OXCT1: variants seen among roughly 807,000 people sequenced by gnomAD.
OXCT1 encodes the protein succinyl-CoA:3-ketoacid coenzyme A transferase 1, mitochondrial.
A neutral mutation model predicts 69.6 loss-of-function variants in OXCT1; 27 were observed. That is an observed-to-expected ratio of 0.39 (90% CI 0.29 to 0.54). OXCT1 has a LOEUF of 0.54. OXCT1 is among the 20% of genes least tolerant of loss of function. OXCT1 has a pLI of 0.72. For missense variants in OXCT1, 437 were observed against 650.2 expected (o/e 0.67, Z 3.57); for synonymous variants, 202 against 217.8 (o/e 0.93, Z 0.64).
rs1401286084 is a variant in OXCT1, at chr5:41,762,648, G to T, written c.1249-448C>A. ...CTGCAGATTAAAATTCCATTATGTAGTAGTAGGCTGAGGCATGAATGGTGT... is the reference window on the plus strand; with the variant it reads ...CTGCAGATTAAAATTCCATTATGTATTAGTAGGCTGAGGCATGAATGGTGT... On this transcript the variant is annotated intron_variant, in intron 13 of 16. Transcript: ENST00000196371. The surrounding 1 kb of genome is among the most constrained non-coding windows in gnomAD (Gnocchi z 4.0). Among the ~76,000 whole-genome samples, 4 of 152,230 alleles carry T rather than the reference G, an allele frequency of 2.6e-5. No individual in the cohort carries two copies. Among genetic ancestry groups the T allele is most frequent in the Non-Finnish European group, 4.4e-5 (3 of 68,016 alleles).
chr5:41,856,754 T>C (rs1749446751), intron 3 of OXCT1, among the ~76,000 whole-genome samples: 1 of 152,174 alleles, frequency 6.6e-6, no homozygotes, highest in Admixed American at 6.5e-5. Context: ...AAAAGAAAAC[T>C]AATGCCTAAG....
At chr5:41,755,970 G>A (rs1224652891) in intron 14 of OXCT1, among the ~76,000 whole-genome samples, 1 of 152,048 alleles carries the variant, frequency 6.6e-6, no homozygotes, top group Non-Finnish European at 1.5e-5. Context: ...CAGTTTATAT[G>A]ACAAAGGCAG....
intron 5 of OXCT1, chr5:41,843,587 T>C: frequency 2.2e-6 from 1 of 456,166 alleles, no homozygotes; most frequent in Non-Finnish European, 4.4e-6. Flanking sequence ...TCATGTTCTT[T>C]TATTCTTGAC....
chr5:41,830,929 G>C, intron 7 of OXCT1, among the ~76,000 whole-genome samples: 1 of 152,134 alleles, frequency 6.6e-6, no homozygotes, highest in Non-Finnish European at 1.5e-5. Flanking sequence ...TAATTGGCCT[G>C]CTTAATAATG....
chr5:41,802,134 G>A lies in OXCT1; in HGVS notation c.1050+935C>T, dbSNP rs1012585611. Reference sequence around the variant, plus strand: ...TCTCTAAGGCACCTTAAAAATGCAAGTCTTTAACTTCCACATGAATCTGCT... The same window carrying A: ...TCTCTAAGGCACCTTAAAAATGCAAATCTTTAACTTCCACATGAATCTGCT... On this transcript the variant is annotated intron_variant, in intron 10 of 16. Transcript: ENST00000196371. 3.9e-5 allele frequency among the ~76,000 whole-genome samples: 6 copies of A among 152,140 alleles called. No homozygotes were observed. In the South Asian group the frequency reaches 6.2e-4, roughly 16 times the overall value.
At position 41,744,760 on chromosome 5, in the gene OXCT1, A is replaced by G. The variant is rs540665065; in HGVS notation, c.1419+4767T>C. Among the ~76,000 whole-genome samples the G allele has an allele frequency of 1.4e-3, 207 of 152,292 alleles. 1 individual carries two copies. The highest frequency in any genetic ancestry group is 2.3e-3 in the South Asian group (11 of 4,820). The stretch of plus-strand genomic sequence containing the variant: ...GTCATTGGTTCTGACAAAAAAAGGC[A>G]GGGGTTGCAATCCTAGTCTCTGATA... On this transcript the variant is annotated intron_variant, in intron 15 of 16. Coordinates refer to ENST00000196371, the MANE Select transcript of OXCT1 (RefSeq NM_000436.4).
At chr5:41,777,933 C>T (rs1745206080) in intron 13 of OXCT1, among the ~76,000 whole-genome samples, 2 of 152,146 alleles carry the variant, frequency 1.3e-5, no homozygotes, top group South Asian at 4.1e-4. Flanking sequence ...TTTAATACAG[C>T]CATTTTTGTA....
rs1377646193 is a variant in OXCT1, at chr5:41,791,978, A to AT, written c.1248+2024dup. ...CCACCACGCCCGGCTAATTTTTTGTATTTTTTAGCAGAGACGAGGTTTCAC... is the reference window on the plus strand; with the variant it reads ...CCACCACGCCCGGCTAATTTTTTGTATTTTTTTAGCAGAGACGAGGTTTCAC... On this transcript the variant is annotated intron_variant, in intron 13 of 16. Transcript: ENST00000196371. 3.3e-5 allele frequency among the ~76,000 whole-genome samples: 5 copies of AT among 151,660 alleles called. No individual in the cohort carries two copies. The South Asian group carries it at 6.2e-4, about 19-fold the overall frequency.
At chr5:41,803,980 C>T (rs893062378) in intron 9 of OXCT1, among the ~76,000 whole-genome samples, 2 of 152,054 alleles carry the variant, frequency 1.3e-5, no homozygotes, top group African/African-American at 4.8e-5. Flanking sequence ...CTCACCAGAA[C>T]TAGTACAAAG....
chr5:41,788,738 T>G (rs1260199796), intron 13 of OXCT1, among the ~76,000 whole-genome samples: 2 of 152,160 alleles, frequency 1.3e-5, no homozygotes, highest in Non-Finnish European at 2.9e-5. Flanking sequence ...TCTCAGTAAT[T>G]GACAAGACAC....
At chr5:41,839,913 CCT>C (rs754817704) in intron 7 of OXCT1, among the ~76,000 whole-genome samples, 6 of 152,172 alleles carry the variant, frequency 3.9e-5, no homozygotes, top group Non-Finnish European at 5.9e-5. Flanking sequence ...GGTATAAGCC[CCT>C]GTTTCTGCCC....
intron 7 of OXCT1, among the ~76,000 whole-genome samples, chr5:41,818,658 AC>A (rs1747374889): frequency 6.6e-6 from 1 of 152,166 alleles, no homozygotes. Flanking sequence ...TTGGTTGTGT[AC>A]CTGGATTTTC....
chr5:41,773,164 T>C (rs1744958044), intron 13 of OXCT1, among the ~76,000 whole-genome samples: 2 of 152,186 alleles, frequency 1.3e-5, no homozygotes, highest in Non-Finnish European at 2.9e-5. Context: ...ACCTTATCTT[T>C]TTAAGTCAAC....
intron 3 of OXCT1, among the ~76,000 whole-genome samples, chr5:41,853,828 C>T (rs1295924268): frequency 6.6e-6 from 1 of 152,076 alleles, no homozygotes; most frequent in African/African-American, 2.4e-5. Context: ...AAGGGACATA[C>T]AGCCAATATT....
At chr5:41,810,645 C>T (rs1048093492) in intron 7 of OXCT1, among the ~76,000 whole-genome samples, 1 of 152,078 alleles carries the variant, frequency 6.6e-6, no homozygotes, top group Non-Finnish European at 1.5e-5. Context: ...CTGCACTCTT[C>T]CTACTTTATA....
intron 10 of OXCT1, among the ~76,000 whole-genome samples, chr5:41,802,267 C>T (rs1039790454): frequency 6.6e-6 from 1 of 152,050 alleles, no homozygotes; most frequent in Non-Finnish European, 1.5e-5. Context: ...ATTGTGAATA[C>T]ATTTTCCATA....
chr5:41,809,918 T>A (rs550882788), intron 7 of OXCT1, among the ~76,000 whole-genome samples: 5 of 152,188 alleles, frequency 3.3e-5, no homozygotes, highest in Admixed American at 1.3e-4. Context: ...AGAAAATGCA[T>A]GTGCAGCATT....
chr5:41,811,274 T>C (rs1191067500), intron 7 of OXCT1, among the ~76,000 whole-genome samples: 1 of 152,010 alleles, frequency 6.6e-6, no homozygotes, highest in Non-Finnish European at 1.5e-5. Context: ...AAAAATCTAT[T>C]GTACCTCTCA....
chr5:41,775,760 C>T (rs1014798329), intron 13 of OXCT1, among the ~76,000 whole-genome samples: 9 of 152,078 alleles, frequency 5.9e-5, no homozygotes, highest in Non-Finnish European at 1.3e-4. Context: ...AGCGTAAATT[C>T]AGGTATGGTT....
Sources: allele counts gnomAD v4.1 joint callset (sites outside exome capture counted in the v4.1 genomes callset), GRCh38; gene constraint gnomAD v4.1.1; non-coding constraint Gnocchi (gnomAD v3.1); transcripts MANE v1.5; gene names NCBI Gene and HGNC (gene_info 2026-07-23, HGNC 2026-07-21).